The following DCUN1D1 variants were observed in gnomAD, a reference collection of about 807,000 sequenced individuals.
DCUN1D1 encodes the protein DCN1-like protein 1.
DCUN1D1 carries 3 observed loss-of-function variants against 39.0 expected under a neutral mutation model. The ratio of observed to expected loss-of-function variants is 0.08; its 90% CI spans 0.04 to 0.20. The LOEUF (loss-of-function observed/expected upper bound fraction) is 0.20, where lower values mean the gene tolerates loss of function less well. Among genes scored for constraint, DCUN1D1 ranks in the 10% least tolerant of loss-of-function variants. DCUN1D1 has a pLI of 1.00. For missense variants in DCUN1D1, 158 were observed against 302.4 expected (o/e 0.52, Z 3.54); for synonymous variants, 82 against 96.3 (o/e 0.85, Z 0.87).
At chr3:182,966,016 G>A (rs1234568875) in intron 1 of DCUN1D1, among the ~76,000 whole-genome samples, 2 of 152,032 alleles carry the variant, frequency 1.3e-5, no homozygotes, top group Non-Finnish European at 2.9e-5. Flanking sequence ...TCCTACAGTG[G>A]GTCCTGAGAG....
chr3:182,974,242 AGACC>A (rs1284177930), intron 1 of DCUN1D1, among the ~76,000 whole-genome samples: 2 of 152,192 alleles, frequency 1.3e-5, no homozygotes, highest in Non-Finnish European at 2.9e-5. Flanking sequence ...ACACAGAGTG[AGACC>A]CTGTCTCAAA....
intron 4 of DCUN1D1, chr3:182,955,357 T>G: frequency 3.7e-6 from 2 of 541,350 alleles, no homozygotes; most frequent in South Asian, 2.8e-5. Flanking sequence ...TTTTCAATAT[T>G]CTCTGTTTTT....
chr3:182,962,936 A>C (rs894912024), intron 3 of DCUN1D1, among the ~76,000 whole-genome samples: 1 of 152,028 alleles, frequency 6.6e-6, no homozygotes, highest in East Asian at 1.9e-4. Context: ...ATGTGCCACT[A>C]TGCCCAGCTA....
chr3:182,982,037 G>A (rs1158455909), upstream of DCUN1D1, among the ~76,000 whole-genome samples: 1 of 152,186 alleles, frequency 6.6e-6, no homozygotes, highest in African/African-American at 2.4e-5. Context: ...CACCTAGGGC[G>A]TTAATGAGGA....
chr3:182,947,650 A>G lies in DCUN1D1; in HGVS notation c.521-18T>C. 5 of 1,364,904 alleles carry G rather than the reference A, an allele frequency of 3.7e-6. No homozygotes were observed. The highest frequency in any genetic ancestry group is 5.2e-6 in the Non-Finnish European group (5 of 970,224). 84.5% of individuals were successfully genotyped at this position (1,364,904 alleles called of 1,614,324 possible). On this transcript the variant is annotated intron_variant, in intron 4 of 6. Coordinates refer to ENST00000292782, the MANE Select transcript of DCUN1D1 (RefSeq NM_020640.4). ...TTCTAGATCTGAAATAGTAAAAATG[A>G]ATTATGTATTTAAATGCTATAAATA...
At chr3:182,972,205 T>C (rs1284861798) in intron 1 of DCUN1D1, among the ~76,000 whole-genome samples, 2 of 151,714 alleles carry the variant, frequency 1.3e-5, no homozygotes, top group Non-Finnish European at 2.9e-5. Context: ...TAGTTTTAAA[T>C]GTACACAGGT....
intron 4 of DCUN1D1, among the ~76,000 whole-genome samples, chr3:182,953,341 A>G (rs755383965): frequency 6.6e-5 from 10 of 152,230 alleles, no homozygotes; most frequent in Non-Finnish European, 1.3e-4. Context: ...TAAAATGTTA[A>G]TTGTCACAGG....
chr3:182,955,327 T>C (rs1255569900), intron 4 of DCUN1D1: 2 of 546,868 alleles, frequency 3.7e-6, no homozygotes, highest in Non-Finnish European at 7.4e-6. Flanking sequence ...CAGCTTCTTC[T>C]ATGGTTGGAA....
At chr3:182,962,392 A>C (rs1222044771) in intron 3 of DCUN1D1, among the ~76,000 whole-genome samples, 1 of 152,222 alleles carries the variant, frequency 6.6e-6, no homozygotes, top group Non-Finnish European at 1.5e-5. Context: ...GAGCCAATGA[A>C]AGGCTGGAAG....
chr3:182,975,206 C>T (rs1303400235), intron 1 of DCUN1D1, among the ~76,000 whole-genome samples: 1 of 150,024 alleles, frequency 6.7e-6, no homozygotes, highest in South Asian at 2.1e-4. Flanking sequence ...AGACAGGGTC[C>T]CGCTCTGTCG....
chr3:182,965,183 T>C (rs558781906), intron 2 of DCUN1D1, among the ~76,000 whole-genome samples: 7 of 152,356 alleles, frequency 4.6e-5, no homozygotes, highest in South Asian at 4.1e-4. Context: ...TCACCTATTA[T>C]GCAGTTGAAC....
At chr3:182,956,308 C>A in intron 4 of DCUN1D1, 1 of 264,994 alleles carries the variant, frequency 3.8e-6, no homozygotes, top group South Asian at 5.1e-5. Context: ...GGGAGCTCAT[C>A]ACCAAAACCC....
chr3:182,980,620 C>G, upstream of DCUN1D1: 2 of 1,047,336 alleles, frequency 1.9e-6, no homozygotes, highest in Non-Finnish European at 2.3e-6. Context: ...CCGGCGCGGC[C>G]CGAGGAGGCA....
intron 6 of DCUN1D1, among the ~76,000 whole-genome samples, chr3:182,945,534 G>A (rs1726350010): frequency 6.6e-6 from 1 of 152,032 alleles, no homozygotes; most frequent in South Asian, 2.1e-4. Context: ...CCCGGGAGGC[G>A]GAGCTTGCAG....
upstream of DCUN1D1, among the ~76,000 whole-genome samples, chr3:182,983,115 T>G (rs989699207): frequency 6.6e-6 from 1 of 152,220 alleles, no homozygotes; most frequent in Non-Finnish European, 1.5e-5. Context: ...TAAAGTTCTC[T>G]CCTCTGATCT....
intron 1 of DCUN1D1, among the ~76,000 whole-genome samples, chr3:182,974,774 A>C (rs935794308): frequency 3.3e-5 from 5 of 151,810 alleles, no homozygotes; most frequent in African/African-American, 9.7e-5. Flanking sequence ...AAAAAAAAAA[A>C]AACTAAATCC....
intron 2 of DCUN1D1, among the ~76,000 whole-genome samples, chr3:182,965,077 A>C (rs1727603893): frequency 1.3e-5 from 2 of 152,264 alleles, no homozygotes; most frequent in African/African-American, 4.8e-5. Flanking sequence ...CTCTGTAAAT[A>C]TATTTCTGCA....
intron 6 of DCUN1D1, among the ~76,000 whole-genome samples, chr3:182,946,947 A>C (rs1285562834): frequency 6.6e-6 from 1 of 152,118 alleles, no homozygotes; most frequent in African/African-American, 2.4e-5. Context: ...ATAAAACATT[A>C]AGAAATTAGT....
At chr3:182,965,474 A>C (rs1238976162) in intron 2 of DCUN1D1, 63 bp downstream of exon 2, 2 of 1,054,812 alleles carry the variant, frequency 1.9e-6, no homozygotes, top group African/African-American at 3.2e-5. Flanking sequence ...TTCATTTCTC[A>C]TAAGCCCATC....
Sources: gnomAD v4.1 joint callset for allele counts (sites outside exome capture counted in the v4.1 genomes callset) on GRCh38, gnomAD v4.1.1 for gene constraint, MANE v1.5 for transcripts, NCBI Gene and HGNC (gene_info 2026-07-23, HGNC 2026-07-21) for gene names.